ALDH1L1: variants seen among roughly 807,000 people sequenced by gnomAD.
ALDH1L1 encodes cytosolic 10-formyltetrahydrofolate dehydrogenase.
Under a neutral mutation model 101.1 loss-of-function variants are expected in ALDH1L1, and 68 were observed. That is an observed-to-expected ratio of 0.67 (90% CI 0.55 to 0.82). The LOEUF (loss-of-function observed/expected upper bound fraction) is 0.82. ALDH1L1 is among the 40% of genes least tolerant of loss of function. ALDH1L1 has a pLI of 0.00. For synonymous variants in ALDH1L1, 486 were observed against 470.8 expected, an observed-to-expected ratio of 1.03 and a Z score of -0.42; for missense variants, 1,087 against 1,172.7, an observed-to-expected ratio of 0.93 and a Z score of 1.07.
rs1321804745 is a variant in ALDH1L1 at position 126,157,466 on chromosome 3, G to T, written c.405C>A (p.Phe135Leu). 1 of 1,614,024 alleles carries T rather than the reference G, an allele frequency of 6.2e-7. No homozygotes were observed. The highest frequency in any genetic ancestry group is 8.5e-7 in the Non-Finnish European group (1 of 1,180,032). ...HGDKKGGFSI[F>L]WADDGLDTGD... ...CGGTGTCCAGACCATCATCCGCCCAGAAGATGGAAAACCCCCCTTTCTTAT... is the reference window on the plus strand; with the variant it reads ...CGGTGTCCAGACCATCATCCGCCCATAAGATGGAAAACCCCCCTTTCTTAT... The change falls in exon 4 of 23, where the codon TTC (phenylalanine) becomes TTA (leucine). Residue 135 changes from phenylalanine to leucine, a missense_variant. Physicochemically the swap from Phe to Leu is conservative, Grantham distance 22. Transcript: ENST00000393434.
chr3:126,157,354 T>C lies in ALDH1L1; in HGVS notation c.517A>G (p.Ile173Val), dbSNP rs1209638425. ...LYNRFLFPEG[I>V]KGMVQAVRLI... ...CTCCAGGTCCTCACCATCCCTTTGA[T>C]GCCTTCAGGGAAGAGGAAGCGGTTG... is the stretch of plus-strand genomic sequence containing the variant. Residue 173 changes from isoleucine (I) to valine (V), a missense_variant, in exon 4 of 23, where the codon ATC (isoleucine) becomes GTC (valine). This residue lies in a region of ALDH1L1 where 645 missense variants were observed against 637.0 expected (regional missense o/e 1.01). Coordinates refer to ENST00000393434, the MANE Select transcript of ALDH1L1 (RefSeq NM_012190.4). 6.2e-7 allele frequency: 1 copy of C among 1,611,662 alleles called. No homozygotes were observed. Among genetic ancestry groups the C allele is most frequent in the Admixed American group, 1.7e-5 (1 of 59,864 alleles).
chr3:126,124,345 C>A lies in ALDH1L1; in HGVS notation c.1888+19G>T, dbSNP rs774695362. The A allele has an allele frequency of 1.9e-6, 3 of 1,602,276 alleles. No homozygotes were observed. The highest frequency in any genetic ancestry group is 2.6e-6 in the Non-Finnish European group (3 of 1,173,830). ...CAGCTGCCAGAAGCCCTAGCCCTGC[C>A]CCCGACAATGGCTCTTACCAGATCC... is the stretch of plus-strand genomic sequence containing the variant. On this transcript the variant is annotated intron_variant, in intron 16 of 22. Transcript: ENST00000393434.
At chr3:126,188,878 A>C (rs576448699) in intron 1 of ALDH1L1, among the ~76,000 whole-genome samples, 218 of 152,328 alleles carry the variant, frequency 1.4e-3, no homozygotes, top group African/African-American at 4.6e-3. Context: ...AATCAACTAC[A>C]GTCGAATAGA....
Position 126,155,507 on chromosome 3 carries a change from G to C in ALDH1L1, c.529-4C>G, listed in dbSNP as rs1249351974. The C allele has an allele frequency of 6.2e-7, 1 of 1,607,358 alleles. No homozygotes were observed. The highest frequency in any genetic ancestry group is 2.2e-5 in the East Asian group (1 of 44,676). The stretch of plus-strand genomic sequence containing the variant: ...CGATCAGCCTCACGGCCTGCACCTG[G>C]GGAGATCCAGTGGGTTGCTATCCCC... On this transcript the variant is annotated splice_polypyrimidine_tract_variant and splice_region_variant and intron_variant, in intron 4 of 22. Transcript: ENST00000393434.
Position 126,124,381 on chromosome 3 carries a change from T to G in ALDH1L1, c.1871A>C (p.Asn624Thr). 6.2e-7 allele frequency: 1 copy of G among 1,611,854 alleles called. No homozygotes were observed. Reference protein sequence around the residue: ...LKAGIPKGVVNVLPGSGSLVG... With the variant: ...LKAGIPKGVVTVLPGSGSLVG... ...GCTCTTACCAGATCCTGGGAGGACG[T>G]TAACCACACCTTTGGGAATGCCGGC... Residue 624 changes from asparagine (N) to threonine (T), a missense_variant, in exon 16 of 23, where the codon AAC (asparagine) becomes ACC (threonine). Physicochemically the swap from Asn to Thr is moderately conservative, Grantham distance 65 (BLOSUM62 0). Transcript: ENST00000393434.
chr3:126,117,559 G>C (rs1169437848), intron 17 of ALDH1L1, among the ~76,000 whole-genome samples: 1 of 151,722 alleles, frequency 6.6e-6, no homozygotes, highest in Non-Finnish European at 1.5e-5. Flanking sequence ...GGGAGGCTGA[G>C]GAGCATCACT....
chr3:126,188,586 G>A (rs1266900184), intron 1 of ALDH1L1, among the ~76,000 whole-genome samples: 1 of 152,158 alleles, frequency 6.6e-6, no homozygotes, highest in Non-Finnish European at 1.5e-5. Context: ...ACCTAAGTAA[G>A]AATGTGAATA....
chr3:126,121,784 T>C (rs1279939052), intron 16 of ALDH1L1, among the ~76,000 whole-genome samples: 1 of 152,204 alleles, frequency 6.6e-6, no homozygotes, highest in African/African-American at 2.4e-5. Flanking sequence ...TCCAGGCAGG[T>C]GTGGCCAGGA....
chr3:126,127,416 G>C (rs1021168924), intron 14 of ALDH1L1, among the ~76,000 whole-genome samples: 2 of 152,116 alleles, frequency 1.3e-5, no homozygotes, highest in African/African-American at 4.8e-5. Context: ...CCCTCCCTTG[G>C]GGCCATTCTC....
upstream of ALDH1L1, among the ~76,000 whole-genome samples, chr3:126,184,697 C>T (rs1164126777): frequency 6.6e-6 from 1 of 152,174 alleles, no homozygotes; most frequent in Non-Finnish European, 1.5e-5. Flanking sequence ...GCTCAGGGCT[C>T]TGTGAATGGG....
In ALDH1L1 at chr3:126,152,918, G is replaced by A. The variant is rs947374083; in HGVS notation, c.858+526C>T. ...AATTTAACGCATATACATTGTTCTG[G>A]TATAAAAGGTGCTCCATCAGTGTTT... On this transcript the variant is annotated intron_variant, in intron 7 of 22. Coordinates refer to ENST00000393434, the MANE Select transcript of ALDH1L1 (RefSeq NM_012190.4). 5.7e-5 allele frequency: 13 copies of A among 228,908 alleles called. No homozygotes were observed. In the Admixed American group the frequency reaches 6.7e-4, roughly 12 times the overall value. 14.2% of individuals were successfully genotyped at this position (228,908 alleles called of 1,614,324 possible). A position where few individuals can be genotyped will look rare whatever the true frequency, so the allele number is the denominator to read the frequency against.
rs1945910566 is a variant in ALDH1L1, at chr3:126,107,251, AAG to A, written c.2348-7_2348-6del. On this transcript the variant is annotated splice_region_variant and splice_polypyrimidine_tract_variant and intron_variant, in intron 20 of 22. Transcript: ENST00000393434. ...CAGTTGGCTCAAAGAAGAACCCTGCAAGAGAGATAAAAGCCCGTTGCACATGG... is the reference window on the plus strand; with the variant it reads ...CAGTTGGCTCAAAGAAGAACCCTGCAAGAGATAAAAGCCCGTTGCACATGG... 2 of 1,612,154 alleles carry A rather than the reference AAG, an allele frequency of 1.2e-6. No homozygotes were observed. The highest frequency in any genetic ancestry group is 4.5e-5 in the East Asian group (2 of 44,868).
At chr3:126,116,038 ATT>A (rs35701473) in intron 17 of ALDH1L1, among the ~76,000 whole-genome samples, 20,346 of 136,966 alleles carry the variant, frequency 0.15, 2,815 homozygotes, top group African/African-American at 0.37. Context: ...ACACCTGGCT[ATT>A]TTTTTTTTTT....
intron 4 of ALDH1L1, among the ~76,000 whole-genome samples, chr3:126,156,981 G>A (rs374289152): frequency 1.1e-3 from 175 of 152,288 alleles, no homozygotes; most frequent in African/African-American, 4.1e-3. Context: ...GAGAATCAAC[G>A]AGTGAAGGAG....
At chr3:126,187,449 A>G (rs1868123) in intron 1 of ALDH1L1, among the ~76,000 whole-genome samples, 94,583 of 151,794 alleles carry the variant, frequency 0.62, 29,535 homozygotes, top group Middle Eastern at 0.67. Context: ...TAAAGAGTGG[A>G]GTAAGGTCAT....
intron 2 of ALDH1L1, among the ~76,000 whole-genome samples, chr3:126,159,043 G>A (rs1248116399): frequency 6.6e-6 from 1 of 152,202 alleles, no homozygotes; most frequent in Non-Finnish European, 1.5e-5. Flanking sequence ...CCTGATGGAG[G>A]AAGAAGGGGA....
intron 9 of ALDH1L1, among the ~76,000 whole-genome samples, chr3:126,145,432 C>A (rs1485128804): frequency 6.6e-6 from 1 of 152,200 alleles, no homozygotes; most frequent in Non-Finnish European, 1.5e-5. Context: ...GATGTGGAAA[C>A]AACACAAATG....
intron 1 of ALDH1L1, among the ~76,000 whole-genome samples, chr3:126,193,201 A>C (rs1287623197): frequency 6.6e-6 from 1 of 152,190 alleles, no homozygotes; most frequent in Non-Finnish European, 1.5e-5. Context: ...TTGCTTTAAT[A>C]ATTCCCCCTT....
intron 9 of ALDH1L1, among the ~76,000 whole-genome samples, chr3:126,139,600 A>C (rs191372588): frequency 6.6e-6 from 1 of 152,354 alleles, no homozygotes; most frequent in Admixed American, 6.5e-5. Context: ...TTATTGGTCA[A>C]AGACATTATG....
Sources: gnomAD v4.1 joint callset for allele counts (sites outside exome capture counted in the v4.1 genomes callset) on GRCh38, gnomAD v4.1.1 for gene constraint, gnomAD v4.1.1 regional missense constraint, MANE v1.5 for transcripts, NCBI Gene and HGNC (gene_info 2026-07-23, HGNC 2026-07-21) for gene names.